CSRNP1: variants seen among roughly 807,000 people sequenced by gnomAD.
CSRNP1 encodes the protein cysteine/serine-rich nuclear protein 1.
CSRNP1 carries 8 observed loss-of-function variants against 25.0 expected under a neutral mutation model. The observed-to-expected ratio is 0.32, with a 90% CI of 0.19 to 0.58. The LOEUF is 0.58. CSRNP1 is among the 20% of genes least tolerant of loss of function. The pLI is 0.88. For synonymous variants in CSRNP1, 305 were observed against 303.1 expected (o/e 1.01, Z -0.06); for missense variants, 691 against 773.1 (o/e 0.89, Z 1.26).
rs1031894285 is a variant in CSRNP1, at chr3:39,146,629, C to T, written c.54G>A (p.Ser18=). Residue 18 remains serine, a synonymous_variant, in exon 2 of 5, where the codon TCG becomes TCA. Coordinates refer to ENST00000273153, the MANE Select transcript of CSRNP1 (RefSeq NM_033027.4). ...KFDQLDEDNS[S]VSSSSSSSGC... ...CAGAGGAAGAGGAGGAGGAGGAGAC[C>T]GAGGAGTTGTCCTCATCCAGCTGGT... is the stretch of plus-strand genomic sequence containing the variant. The T allele has an allele frequency of 1.3e-5, 21 of 1,572,334 alleles. No individual in the cohort carries two copies. The highest frequency in any genetic ancestry group is 5.4e-5 in the African/African-American group (4 of 73,860).
At chr3:39,151,282 T>C (rs1286383840) in intron 1 of CSRNP1, 2 of 152,366 alleles carry the variant, frequency 1.3e-5, no homozygotes, top group African/African-American at 4.8e-5. Context: ...GCCAGGCTTC[T>C]TCTGGGATCT....
chr3:39,145,177 G>A lies in CSRNP1; in HGVS notation c.285C>T (p.Pro95=), dbSNP rs769513134. The A allele has an allele frequency of 1.9e-6, 3 of 1,614,230 alleles. No individual in the cohort carries two copies. The highest frequency in any genetic ancestry group is 1.7e-5 in the Admixed American group (1 of 60,032). ...AFDGITVFYF[P]RCQGFTSVPS... ...GCACACTGGTGAAGCCCTGGCAGCG[G>A]GGGAAGTAGAAGACGGTGATCCCAT... is the stretch of plus-strand genomic sequence containing the variant. Residue 95 remains proline (P), a synonymous_variant, in exon 3 of 5, where the codon CCC becomes CCT. Transcript: ENST00000273153.
At chr3:39,153,848 C>G (rs933969301), upstream of CSRNP1, 1 of 152,288 alleles carries the variant, frequency 6.6e-6, no homozygotes, top group African/African-American at 2.4e-5. Context: ...GCTTCCAGCA[C>G]GGTCCCTAAA....
chr3:39,146,782 C>A, intron 1 of CSRNP1, 60 bp from the exon 2 acceptor site: 1 of 1,499,626 alleles, frequency 6.7e-7, no homozygotes, highest in Non-Finnish European at 8.9e-7. Flanking sequence ...GGACTTCCAG[C>A]CAGGATCATC....
chr3:39,144,487 G>C, intron 3 of CSRNP1, 36 bp from the exon 4 acceptor site: 3 of 1,554,542 alleles, frequency 1.9e-6, no homozygotes, highest in Non-Finnish European at 2.6e-6. Context: ...AAGAAGCACA[G>C]ACATGGACAT....
rs1254397031 is a variant in CSRNP1, at chr3:39,146,665, C to T, written c.18G>A (p.Lys6=). Residue 6 remains lysine (K), a synonymous_variant, in exon 2 of 5, where the codon AAG becomes AAA. Transcript: ENST00000273153. MTGLL[K]RKFDQLDEDN... ...CCTCATCCAGCTGGTCAAATTTCCTCTTCAACAGCCCAGTCATGGTGGTGC... is the reference window on the plus strand; with the variant it reads ...CCTCATCCAGCTGGTCAAATTTCCTTTTCAACAGCCCAGTCATGGTGGTGC... The T allele has an allele frequency of 1.6e-5, 25 of 1,564,430 alleles. No individual in the cohort carries two copies. The highest frequency in any genetic ancestry group is 2.2e-5 in the Non-Finnish European group (25 of 1,154,460).
Position 39,146,740 on chromosome 3 carries a change from A to C in CSRNP1, c.-40-18T>G. 1.3e-6 allele frequency: 2 copies of C among 1,541,252 alleles called. No homozygotes were observed. Among genetic ancestry groups the C allele is most frequent in the Non-Finnish European group, 1.8e-6 (2 of 1,142,816 alleles). On this transcript the variant is annotated intron_variant, in intron 1 of 4. Transcript: ENST00000273153. ...CAGACAGCCTGGAATAGGAATGAGA[A>C]GGCTCTAAGTGGCAGGCAGGCAGCA...
In CSRNP1 at chr3:39,144,382, A is replaced by T. The variant is rs2039474648; in HGVS notation, c.535T>A (p.Ser179Thr). ...PPVVDAIDDA[S>T]VEEDLAVAVA... ...GCGACTGCCAAGTCCTCCTCCACAG[A>T]GGCGTCATCAATGGCATCCACCACA... is the stretch of plus-strand genomic sequence containing the variant. The change falls in exon 4 of 5, where the codon TCT becomes ACT. Residue 179 changes from serine (S) to threonine (T), a missense_variant. By Grantham distance (58) the Ser-to-Thr change is moderately conservative. Transcript: ENST00000273153. The T allele has an allele frequency of 6.2e-7, 1 of 1,613,836 alleles. No homozygotes were observed. Among genetic ancestry groups the T allele is most frequent in the Non-Finnish European group, 8.5e-7 (1 of 1,179,898 alleles).
At chr3:39,146,818 A>G in intron 1 of CSRNP1, 96 bp from the exon 2 acceptor site, 1 of 1,460,922 alleles carries the variant, frequency 6.8e-7, no homozygotes, top group Non-Finnish European at 9.1e-7. Flanking sequence ...CCTCCAAGGC[A>G]TCCCAGACCC....
chr3:39,144,888 C>T, intron 3 of CSRNP1, 109 bp downstream of exon 3: 1 of 1,332,282 alleles, frequency 7.5e-7, no homozygotes, highest in Non-Finnish European at 1.0e-6. Flanking sequence ...GCCTGTTTCC[C>T]CATAACCATA....
chr3:39,145,071 C>T lies in CSRNP1; in HGVS notation c.391G>A (p.Glu131Lys), dbSNP rs2039487086. The stretch of plus-strand genomic sequence containing the variant: ...TTCTCGTGCCGTGCACGGGCTTGCT[C>T]CTGCGCAAACTCAGCCAAAGAGAAG... ...RRFSLAEFAQ[E>K]QARARHEKLR... Residue 131 changes from glutamate (E) to lysine (K), a missense_variant, in exon 3 of 5, where the codon GAG becomes AAG. Transcript: ENST00000273153. 1 of 1,614,280 alleles carries T rather than the reference C, an allele frequency of 6.2e-7. No homozygotes were observed. The highest frequency in any genetic ancestry group is 8.5e-7 in the Non-Finnish European group (1 of 1,180,046).
chr3:39,146,870 G>A, intron 1 of CSRNP1, 148 bp from the exon 2 acceptor site: 2 of 1,102,572 alleles, frequency 1.8e-6, no homozygotes, highest in Middle Eastern at 3.1e-4. Context: ...CTCTGTGTGG[G>A]GGAGGGCACA....
rs774138824 is a variant in CSRNP1 at position 39,143,928 on chromosome 3, G to A, written c.897C>T (p.Arg299=). ...TCTCAGCCTCCTGTTCCAACTGCAGGCGGGTGAGTGTGTGGATGAAATGGG... is the reference window on the plus strand; with the variant it reads ...TCTCAGCCTCCTGTTCCAACTGCAGACGGGTGAGTGTGTGGATGAAATGGG... ...VQTHFIHTLT[R]LQLEQEAESF... Residue 299 remains arginine, a synonymous_variant, in exon 5 of 5, where the codon CGC becomes CGT. Coordinates refer to ENST00000273153, the MANE Select transcript of CSRNP1 (RefSeq NM_033027.4). 1 of 1,614,202 alleles carries A rather than the reference G, an allele frequency of 6.2e-7. No homozygotes were observed. Among genetic ancestry groups the A allele is most frequent in the Admixed American group, 1.7e-5 (1 of 60,032 alleles).
chr3:39,143,604 C>G lies in CSRNP1; in HGVS notation c.1221G>C (p.Glu407Asp). The G allele has an allele frequency of 6.2e-7, 1 of 1,610,760 alleles. No individual in the cohort carries two copies. Among genetic ancestry groups the G allele is most frequent in the Non-Finnish European group, 8.5e-7 (1 of 1,177,354 alleles). The change falls in exon 5 of 5, where the codon GAG (glutamate) becomes GAC (aspartate). Residue 407 changes from glutamate (E) to aspartate (D), a missense_variant. Glu to Asp is a conservative substitution (Grantham distance 45). Transcript: ENST00000273153. ...FSDSDFGGEE[E>D]EEEEGSVGNL... ...TCCCCACGCTCCCTTCCTCCTCTTC[C>G]TCCTCCTCCCCACCGAAGTCAGAGT...
At chr3:39,147,309 C>A (rs2039528809) in intron 1 of CSRNP1, among the ~76,000 whole-genome samples, 1 of 151,814 alleles carries the variant, frequency 6.6e-6, no homozygotes, top group Non-Finnish European at 1.5e-5. Context: ...CTTCCTCCTC[C>A]TCCTCCTCCA....
rs771038569 is a variant in CSRNP1, at chr3:39,153,454, C to A, written c.-57G>T. The A allele has an allele frequency of 1.8e-5, 6 of 330,432 alleles. No individual in the cohort carries two copies. The highest frequency in any genetic ancestry group is 4.5e-5 in the African/African-American group (2 of 44,232). 20.5% of individuals were successfully genotyped at this position (330,432 alleles called of 1,614,324 possible). A position where few individuals can be genotyped will look rare whatever the true frequency, so the allele number is the denominator to read the frequency against. ...GGCGCTCACCTGCAATCCGGACGCT[C>A]GCGGAGGACAACGACGCGACCCGCG... On this transcript the variant is annotated 5_prime_UTR_variant, in exon 1 of 5. Transcript: ENST00000273153.
intron 2 of CSRNP1, 32 bp downstream of exon 2, chr3:39,146,446 G>A: frequency 2.0e-6 from 3 of 1,493,624 alleles, no homozygotes; most frequent in South Asian, 1.3e-5. Flanking sequence ...AGGCAGGCAG[G>A]TGATGGAGTT....
chr3:39,147,755 T>A (rs1320239184), intron 1 of CSRNP1, among the ~76,000 whole-genome samples: 1 of 152,062 alleles, frequency 6.6e-6, no homozygotes, highest in Non-Finnish European at 1.5e-5. Flanking sequence ...CCTGGAATGC[T>A]TCAGCAAATA....
intron 1 of CSRNP1, chr3:39,148,250 C>G (rs1022387132): frequency 6.6e-6 from 1 of 152,152 alleles, no homozygotes; most frequent in Non-Finnish European, 1.5e-5. Context: ...TGGCACCCCC[C>G]TCCCAGGGTC....
Sources: gnomAD v4.1 joint callset for allele counts (sites outside exome capture counted in the v4.1 genomes callset) on GRCh38, gnomAD v4.1.1 for gene constraint, MANE v1.5 for transcripts, NCBI Gene and HGNC (gene_info 2026-07-23, HGNC 2026-07-21) for gene names.